The following RASEF variants were observed in gnomAD, a reference collection of about 807,000 sequenced individuals.
The protein encoded by RASEF is ras and EF-hand domain-containing protein.
Under a neutral mutation model 90.1 loss-of-function variants are expected in RASEF, and 68 were observed. That is an observed-to-expected ratio of 0.75 (90% CI 0.62 to 0.92). The LOEUF is 0.92. Among genes scored for constraint, RASEF ranks in the 40% least tolerant of loss-of-function variants. The probability of loss-of-function intolerance (pLI) is 0.00; values close to 1 mark genes in which losing one functional copy is unlikely to be tolerated. For missense variants in RASEF, 949 were observed against 937.2 expected, an observed-to-expected ratio of 1.01 and a Z score of -0.16; for synonymous variants, 331 against 345.2, an observed-to-expected ratio of 0.96 and a Z score of 0.46.
chr9:83,048,149 C>A lies in RASEF; in HGVS notation c.431+14288G>T, dbSNP rs554131856. ...CTCTGGAGGCCTCCACGTTTGTAAA[C>A]CCTCCTCCATCAATCACAGCCCACA... On this transcript the variant is annotated intron_variant, in intron 1 of 16. Coordinates refer to ENST00000376447, the MANE Select transcript of RASEF (RefSeq NM_152573.4). 4 of 985,404 alleles carry A rather than the reference C, an allele frequency of 4.1e-6. No homozygotes were observed. In the South Asian group the frequency reaches 1.4e-4, roughly 35 times the overall value. The allele number at this position is 985,404 out of a possible 1,614,324, so 61.0% of individuals were successfully genotyped here. A position where few individuals can be genotyped will look rare whatever the true frequency, so the allele number is the denominator to read the frequency against.
chr9:83,020,906 C>A (rs1411043355), intron 3 of RASEF, among the ~76,000 whole-genome samples: 1 of 152,000 alleles, frequency 6.6e-6, no homozygotes, highest in African/African-American at 2.4e-5. Flanking sequence ...TCCTTTTTAC[C>A]AAAAGGAAAG....
At chr9:83,010,160 A>G (rs530227858) in intron 5 of RASEF, among the ~76,000 whole-genome samples, 238 of 152,368 alleles carry the variant, frequency 1.6e-3, no homozygotes, top group South Asian at 8.3e-3. Flanking sequence ...TACACTGGCT[A>G]CTTTTTACAA....
intron 6 of RASEF, among the ~76,000 whole-genome samples, chr9:83,009,099 A>T (rs1287891435): frequency 6.6e-6 from 1 of 150,988 alleles, no homozygotes; most frequent in Non-Finnish European, 1.5e-5. Context: ...AAAAAAAGAT[A>T]TTTTTCCCAA....
Position 82,997,001 on chromosome 9 carries a change from T to C in RASEF, c.1920+11A>G, listed in dbSNP as rs1451666192. On this transcript the variant is annotated intron_variant, in intron 14 of 16. Transcript: ENST00000376447. ...CGTGTAATTTTCTGTTTCTCCATTA[T>C]GATTTCTTACCTCAATCATATCTAC... 5 of 1,467,090 alleles carry C rather than the reference T, an allele frequency of 3.4e-6. No homozygotes were observed. The highest frequency in any genetic ancestry group is 1.1e-5 in the South Asian group (1 of 87,878). The allele number at this position is 1,467,090 out of a possible 1,614,324, so 90.9% of individuals were successfully genotyped here.
intron 16 of RASEF, among the ~76,000 whole-genome samples, chr9:82,983,443 C>G (rs1828654912): frequency 6.6e-6 from 1 of 152,136 alleles, no homozygotes; most frequent in South Asian, 2.1e-4. Context: ...TATGAAAACC[C>G]CCTAAGGAAG....
At chr9:83,006,192 A>G (rs1342493077) in intron 7 of RASEF, among the ~76,000 whole-genome samples, 1 of 152,098 alleles carries the variant, frequency 6.6e-6, no homozygotes, top group African/African-American at 2.4e-5. Flanking sequence ...CACTTCCTTG[A>G]CCTTCTTTGA....
the RASEF span, among the ~76,000 whole-genome samples, chr9:83,086,134 G>A: frequency 6.6e-6 from 1 of 152,112 alleles, no homozygotes; most frequent in Non-Finnish European, 1.5e-5. Flanking sequence ...ACCTAGTGGT[G>A]TACAAAATGT....
chr9:83,150,792 T>C, the RASEF span, among the ~76,000 whole-genome samples: 1 of 152,174 alleles, frequency 6.6e-6, no homozygotes, highest in Non-Finnish European at 1.5e-5. Context: ...TGTATTCTCA[T>C]TGTTTATTTT....
At chr9:83,116,619 A>C in the RASEF span, among the ~76,000 whole-genome samples, 2 of 152,162 alleles carry the variant, frequency 1.3e-5, no homozygotes, top group Admixed American at 6.5e-5. Flanking sequence ...TTTTATATAC[A>C]TTCTCTCTTT....
At chr9:83,213,473 C>T in the RASEF span, among the ~76,000 whole-genome samples, 2 of 152,070 alleles carry the variant, frequency 1.3e-5, no homozygotes, top group Admixed American at 6.6e-5. Context: ...GACTTTCCCT[C>T]CTCAAATCTA....
the RASEF span, among the ~76,000 whole-genome samples, chr9:83,120,391 G>A: frequency 6.6e-6 from 1 of 152,238 alleles, no homozygotes; most frequent in African/African-American, 2.4e-5. Flanking sequence ...TCTAGTGCCT[G>A]CCTCACCACA....
intron 1 of RASEF, among the ~76,000 whole-genome samples, chr9:83,033,691 A>G (rs1335895248): frequency 6.6e-6 from 1 of 152,248 alleles, no homozygotes; most frequent in Non-Finnish European, 1.5e-5. Flanking sequence ...ATTAAACAAA[A>G]GATTTTGAAA....
At chr9:83,142,933 T>A in the RASEF span, among the ~76,000 whole-genome samples, 1 of 152,110 alleles carries the variant, frequency 6.6e-6, no homozygotes, top group African/African-American at 2.4e-5. Context: ...TCTCTCAGAG[T>A]TCTCTATGAT....
intron 2 of RASEF, 94 bp from the exon 3 acceptor site, chr9:83,022,520 T>G (rs1205836618): frequency 2.3e-6 from 2 of 870,776 alleles, no homozygotes; most frequent in African/African-American, 1.7e-5. Flanking sequence ...GCCCTATATA[T>G]TACAGATGAA....
the RASEF span, among the ~76,000 whole-genome samples, chr9:83,181,868 T>C: frequency 6.6e-6 from 1 of 152,232 alleles, no homozygotes; most frequent in African/African-American, 2.4e-5. Context: ...TTTATAAACC[T>C]ACTTTCTTAC....
chr9:83,108,054 A>C, the RASEF span, among the ~76,000 whole-genome samples: 2 of 152,174 alleles, frequency 1.3e-5, no homozygotes, highest in African/African-American at 2.4e-5. Flanking sequence ...ATAAAAGAGA[A>C]AAGTGGTTAC....
At chr9:83,161,412 G>C in the RASEF span, among the ~76,000 whole-genome samples, 1 of 151,946 alleles carries the variant, frequency 6.6e-6, no homozygotes, top group South Asian at 2.1e-4. Context: ...CTTGCATGGG[G>C]CCTGTAGCCC....
the RASEF span, among the ~76,000 whole-genome samples, chr9:83,114,969 G>C: frequency 4.6e-5 from 7 of 152,070 alleles, no homozygotes; most frequent in Admixed American, 3.9e-4. Flanking sequence ...CTCCCCTTTT[G>C]AAAATCACTA....
the RASEF span, among the ~76,000 whole-genome samples, chr9:83,184,538 G>A: frequency 6.6e-6 from 1 of 152,116 alleles, no homozygotes; most frequent in Non-Finnish European, 1.5e-5. Flanking sequence ...CATTGCCCAT[G>A]CTAGTCCTCT....
Sources: allele counts gnomAD v4.1 joint callset (sites outside exome capture counted in the v4.1 genomes callset), GRCh38; gene constraint gnomAD v4.1.1; transcripts MANE v1.5; gene names NCBI Gene and HGNC (gene_info 2026-07-23, HGNC 2026-07-21).